Variants in OTOG observed in about 807,000 individuals in gnomAD.
OTOG encodes the protein otogelin.
A neutral mutation model predicts 313.8 loss-of-function variants in OTOG; 296 were observed. That is an observed-to-expected ratio of 0.94 (90% CI 0.86 to 1.04). The LOEUF is 1.04. OTOG is among the 50% of genes least tolerant of loss of function. The pLI, the probability that OTOG is intolerant of heterozygous loss-of-function variation, is 0.00. For synonymous variants in OTOG, 1,533 were observed against 1,554.9 expected (o/e 0.99, Z 0.33); for missense variants, 3,948 against 3,840.1 (o/e 1.03, Z -0.74).
chr11:17,611,647 G>A (rs1853552130), intron 36 of OTOG, among the ~76,000 whole-genome samples: 1 of 152,148 alleles, frequency 6.6e-6, no homozygotes, highest in Admixed American at 6.5e-5. Flanking sequence ...GTGATGCCCA[G>A]GTGACAATGT....
At chr11:17,589,884 T>A (rs1270987872) in intron 24 of OTOG, among the ~76,000 whole-genome samples, 1 of 152,184 alleles carries the variant, frequency 6.6e-6, no homozygotes, top group Non-Finnish European at 1.5e-5. Context: ...ACACAGTTGA[T>A]CACTTTTCCA....
chr11:17,613,233 T>TTCTTTCTTTCTC (rs1853628064), intron 38 of OTOG, among the ~76,000 whole-genome samples: 1 of 131,926 alleles, frequency 7.6e-6, no homozygotes, highest in Non-Finnish European at 1.6e-5. Context: ...CTTTCTTTCT[T>TTCTTTCTTTCTC]TCTTTCTTTC....
In OTOG at chr11:17,610,924, G is replaced by A; in HGVS notation, c.5624G>A (p.Gly1875Asp). ...CCCCCAGCAGCAGGCACAGCTCCAG[G>A]CCTGCTGCTGGGAGCCACATTGCCA... The part of the protein sequence containing the change: ...IAPPAAGTAP[G>D]LLLGATLPTS... Residue 1875 changes from glycine (G) to aspartate (D), a missense_variant, in exon 36 of 56, where the codon GGC becomes GAC. Physicochemically the swap from Gly to Asp is moderately conservative, Grantham distance 94. Coordinates refer to ENST00000399397, the MANE Select transcript of OTOG (RefSeq NM_001292063.2). 1 of 1,550,268 alleles carries A rather than the reference G, an allele frequency of 6.5e-7. No individual in the cohort carries two copies. The highest frequency in any genetic ancestry group is 8.7e-7 in the Non-Finnish European group (1 of 1,146,922).
chr11:17,548,043 C>A, intron 2 of OTOG, 56 bp downstream of exon 2: 1 of 1,202,224 alleles, frequency 8.3e-7, no homozygotes, highest in Non-Finnish European at 1.1e-6. Flanking sequence ...GTATTTCTGG[C>A]ATCAGCGACC....
At chr11:17,642,389 GTC>G (rs1233719410) in intron 53 of OTOG, 143 bp downstream of exon 53, 1 of 1,169,246 alleles carries the variant, frequency 8.6e-7, no homozygotes, top group South Asian at 1.8e-5. Flanking sequence ...AAATCCATAT[GTC>G]TCTCTGCATT....
At chr11:17,565,909 C>T (rs971256674) in intron 15 of OTOG, among the ~76,000 whole-genome samples, 1 of 151,960 alleles carries the variant, frequency 6.6e-6, no homozygotes, top group Non-Finnish European at 1.5e-5. Flanking sequence ...TTGTATAGTT[C>T]CTGTCCCAGT....
chr11:17,613,897 G>A (rs931696738), intron 39 of OTOG, among the ~76,000 whole-genome samples, 196 bp downstream of exon 39: 3 of 151,948 alleles, frequency 2.0e-5, no homozygotes, highest in Non-Finnish European at 4.4e-5. Context: ...CCACACCAAT[G>A]TCAGGGGAGG....
At chr11:17,558,946 G>A in intron 10 of OTOG, 106 bp from the exon 11 acceptor site, 5 of 920,654 alleles carry the variant, frequency 5.4e-6, no homozygotes, top group South Asian at 4.2e-5. Flanking sequence ...TCCCAGCTGG[G>A]TGGAGAGGAG....
At chr11:17,645,527 T>C (rs1385507490) in intron 54 of OTOG, 37 bp from the exon 55 acceptor site, 18 of 1,544,610 alleles carry the variant, frequency 1.2e-5, no homozygotes, top group Non-Finnish European at 1.6e-5. Context: ...AGAAGCCTGG[T>C]CTTGGCCACA....
At position 17,574,913 on chromosome 11, in the gene OTOG, G is replaced by T. The variant is rs888080068; in HGVS notation, c.2486+1G>T. ...CCCAGGCTGACCTCTGTGTCCCCCG[G>T]TGAGTGGGTCAGCTTGATCTCTGAG... On this transcript the variant is annotated splice_donor_variant, in intron 20 of 55. Transcript: ENST00000399397. LOFTEE classifies it high-confidence loss of function. 4 of 1,500,244 alleles carry T rather than the reference G, an allele frequency of 2.7e-6. No homozygotes were observed. Among genetic ancestry groups the T allele is most frequent in the Non-Finnish European group, 3.6e-6 (4 of 1,119,342 alleles). The allele number at this position is 1,500,244 out of a possible 1,614,324, so 92.9% of individuals were successfully genotyped here.
At chr11:17,607,638 G>A (rs1853421312) in intron 33 of OTOG, among the ~76,000 whole-genome samples, 1 of 152,214 alleles carries the variant, frequency 6.6e-6, no homozygotes, top group Non-Finnish European at 1.5e-5. Flanking sequence ...CAGCCGCCAG[G>A]GCAGTGAGGG....
intron 30 of OTOG, among the ~76,000 whole-genome samples, chr11:17,599,038 G>A (rs1302688190): frequency 1.3e-5 from 2 of 152,220 alleles, no homozygotes; most frequent in African/African-American, 2.4e-5. Context: ...GCTGGCTTTA[G>A]GGGTCTCCTG....
intron 11 of OTOG, 32 bp from the exon 12 acceptor site, chr11:17,559,502 A>G: frequency 5.2e-6 from 8 of 1,550,362 alleles, no homozygotes; most frequent in Non-Finnish European, 6.1e-6. Flanking sequence ...TGGGGCCAGT[A>G]GCTGAGAGAC....
rs111315587 is a variant in OTOG, at chr11:17,620,950, G to C, written c.6528+7249G>C. 2.4e-3 allele frequency among the ~76,000 whole-genome samples: 368 copies of C among 152,136 alleles called. 1 individual carries two copies. Among genetic ancestry groups the C allele is most frequent in the African/African-American group, 8.4e-3 (347 of 41,516 alleles). On this transcript the variant is annotated intron_variant, in intron 39 of 55. Coordinates refer to ENST00000399397, the MANE Select transcript of OTOG (RefSeq NM_001292063.2). ...TTTTTCATCTGCACAAGTTTGATTT[G>C]GGTCTTTTTATATCATGAACATCTC...
chr11:17,595,248 G>T (rs1233988012), intron 28 of OTOG, among the ~76,000 whole-genome samples: 1 of 152,160 alleles, frequency 6.6e-6, no homozygotes, highest in Non-Finnish European at 1.5e-5. Flanking sequence ...GAGAAGCTCA[G>T]TGGGTGACTA....
chr11:17,599,795 C>A (rs930958103), intron 31 of OTOG, 98 bp downstream of exon 31: 36 of 1,391,406 alleles, frequency 2.6e-5, no homozygotes, highest in Non-Finnish European at 3.0e-6. Flanking sequence ...CGCTGCTGGC[C>A]CTGGAAGAGC....
intron 24 of OTOG, among the ~76,000 whole-genome samples, chr11:17,587,505 G>C (rs1213465059): frequency 6.6e-6 from 1 of 152,220 alleles, no homozygotes; most frequent in African/African-American, 2.4e-5. Flanking sequence ...GAAGCTCAGA[G>C]AGGTTCTATC....
intron 8 of OTOG, 25 bp downstream of exon 8, chr11:17,557,348 G>A: frequency 6.5e-7 from 1 of 1,548,644 alleles, no homozygotes; most frequent in Non-Finnish European, 8.7e-7. Flanking sequence ...GGTGGCCTCT[G>A]AGGGGTGTTG....
Position 17,610,282 on chromosome 11 carries a change from CG to C in OTOG, c.4985del (p.Gly1662AspfsTer7), listed in dbSNP as rs1565116526. 4.5e-6 allele frequency: 7 copies of C among 1,550,658 alleles called. No homozygotes were observed. The Admixed American group carries it at 1.4e-4, about 30-fold the overall frequency. ...GCCATCTCCAGGTCCCCCACCTCCT[CG>C]GGATCCCACAAGGCTGTGCTGACAC... ...PGAISRSPTS[S>X]GSHKAVLTPA... On this transcript the variant is annotated frameshift_variant, in exon 36 of 56. Coordinates refer to ENST00000399397, the MANE Select transcript of OTOG (RefSeq NM_001292063.2). LOFTEE classifies it high-confidence loss of function.
Sources: gnomAD v4.1 joint callset for allele counts (sites outside exome capture counted in the v4.1 genomes callset) on GRCh38, gnomAD v4.1.1 for gene constraint, MANE v1.5 for transcripts, NCBI Gene and HGNC (gene_info 2026-07-23, HGNC 2026-07-21) for gene names.